The following BOLL variants were observed in gnomAD, a reference collection of about 807,000 sequenced individuals.
BOLL encodes protein boule-like.
Under a neutral mutation model 44.4 loss-of-function variants are expected in BOLL, and 23 were observed. The observed-to-expected ratio is 0.52, with a 90% CI of 0.37 to 0.73. The LOEUF is 0.73. BOLL is among the 30% of genes least tolerant of loss of function. The pLI is 0.00. For missense variants in BOLL, 287 were observed against 338.3 expected (o/e 0.85, Z 1.19); for synonymous variants, 97 against 110.8 (o/e 0.88, Z 0.78).
chr2:197,740,703 A>G (rs1372781111), intron 10 of BOLL, among the ~76,000 whole-genome samples: 1 of 152,180 alleles, frequency 6.6e-6, no homozygotes, highest in Admixed American at 6.6e-5. Context: ...GATAGAAAGT[A>G]AATTAGAGGT....
intron 9 of BOLL, among the ~76,000 whole-genome samples, chr2:197,753,421 C>T (rs1480135248): frequency 6.6e-6 from 1 of 151,898 alleles, no homozygotes; most frequent in Non-Finnish European, 1.5e-5. Context: ...AGAATCTAAA[C>T]AGAACTTAAA....
intron 5 of BOLL, 97 bp from the exon 6 acceptor site, chr2:197,772,079 C>T (rs1689293523): frequency 4.0e-6 from 4 of 991,680 alleles, no homozygotes; most frequent in Non-Finnish European, 5.5e-6. Flanking sequence ...TCTTAATATA[C>T]CTATGTAGCT....
At chr2:197,761,612 C>A (rs1688762483) in intron 7 of BOLL, among the ~76,000 whole-genome samples, 4 of 152,010 alleles carry the variant, frequency 2.6e-5, no homozygotes, top group Admixed American at 2.6e-4. Context: ...TCAATAATAA[C>A]CCTGAATGCA....
At chr2:197,754,325 A>T (rs1311274836) in intron 9 of BOLL, among the ~76,000 whole-genome samples, 1 of 152,192 alleles carries the variant, frequency 6.6e-6, no homozygotes, top group Non-Finnish European at 1.5e-5. Flanking sequence ...AGCCATATAT[A>T]GAAAATTGAA....
intron 6 of BOLL, among the ~76,000 whole-genome samples, chr2:197,767,955 C>G (rs1282000461): frequency 6.6e-6 from 1 of 151,706 alleles, no homozygotes; most frequent in African/African-American, 2.4e-5. Context: ...GAGACATGGT[C>G]AGTGCAAAAA....
intron 9 of BOLL, among the ~76,000 whole-genome samples, chr2:197,749,895 G>A (rs2106338174): frequency 6.6e-6 from 1 of 152,170 alleles, no homozygotes; most frequent in Admixed American, 6.5e-5. Flanking sequence ...CCACCAGAAA[G>A]ATACTCCTTG....
chr2:197,763,710 C>T (rs1688864607), intron 7 of BOLL, among the ~76,000 whole-genome samples: 1 of 152,058 alleles, frequency 6.6e-6, no homozygotes, highest in Non-Finnish European at 1.5e-5. Context: ...CTAAAAAGTT[C>T]CTGCACAGTG....
intron 10 of BOLL, among the ~76,000 whole-genome samples, chr2:197,742,241 T>C (rs1687775646): frequency 6.6e-6 from 1 of 152,178 alleles, no homozygotes; most frequent in Non-Finnish European, 1.5e-5. Context: ...TCAACCATTG[T>C]GGAAGTCAGT....
At chr2:197,740,515 T>A (rs1259447344) in intron 10 of BOLL, among the ~76,000 whole-genome samples, 1 of 152,130 alleles carries the variant, frequency 6.6e-6, no homozygotes, top group Non-Finnish European at 1.5e-5. Flanking sequence ...TACATGGGTA[T>A]AACTGGATTA....
At chr2:197,738,940 A>T (rs549946327) in intron 10 of BOLL, among the ~76,000 whole-genome samples, 1 of 152,276 alleles carries the variant, frequency 6.6e-6, no homozygotes, top group East Asian at 1.9e-4. Context: ...CCATGTTATA[A>T]TAGAAATGCA....
At position 197,736,645 on chromosome 2, in the gene BOLL, C is replaced by T. The variant is rs112887484; in HGVS notation, c.828+6416G>A. On this transcript the variant is annotated intron_variant, in intron 10 of 10. Transcript: ENST00000392296. ...AAAAAATAGGTTAAAAGGCCAAGGACATTTGGTGGGATGGGATGATGGGGG... is the reference window on the plus strand; with the variant it reads ...AAAAAATAGGTTAAAAGGCCAAGGATATTTGGTGGGATGGGATGATGGGGG... 8.5e-5 allele frequency among the ~76,000 whole-genome samples: 13 copies of T among 152,058 alleles called. 3 individuals are homozygous for T. The highest frequency in any genetic ancestry group is 3.1e-4 in the African/African-American group (13 of 41,488).
chr2:197,759,968 T>A (rs866100907), intron 7 of BOLL, among the ~76,000 whole-genome samples: 26 of 151,484 alleles, frequency 1.7e-4, no homozygotes, highest in African/African-American at 6.1e-4. Context: ...CCCAGGGGAG[T>A]GGAGTGGCTG....
chr2:197,750,517 C>T (rs938976377), intron 9 of BOLL, among the ~76,000 whole-genome samples: 28 of 152,134 alleles, frequency 1.8e-4, no homozygotes, highest in Non-Finnish European at 5.9e-5. Context: ...ATAAAACAGA[C>T]TTTAAACCAA....
intron 1 of BOLL, among the ~76,000 whole-genome samples, chr2:197,783,506 A>G (rs73990707): frequency 0.021 from 3,266 of 152,284 alleles, 111 homozygotes; most frequent in African/African-American, 0.076. Context: ...CAATTGGGCT[A>G]TAGGCTGGAC....
At chr2:197,737,213 T>A (rs766316679) in intron 10 of BOLL, among the ~76,000 whole-genome samples, 1 of 152,156 alleles carries the variant, frequency 6.6e-6, no homozygotes, top group African/African-American at 2.4e-5. Flanking sequence ...ATATTTATAC[T>A]ATTCATCCTT....
chr2:197,746,899 G>GGAA (rs1559398207), intron 9 of BOLL, among the ~76,000 whole-genome samples: 1 of 94,106 alleles, frequency 1.1e-5, no homozygotes, highest in Non-Finnish European at 2.1e-5. Context: ...ACTCTGTCTC[G>GGAA]AAAAAAAAAA....
chr2:197,739,498 G>GT (rs987007030), intron 10 of BOLL, among the ~76,000 whole-genome samples: 1 of 151,974 alleles, frequency 6.6e-6, no homozygotes, highest in African/African-American at 2.4e-5. Flanking sequence ...TGCCCAGATA[G>GT]TTTTTAAAAT....
intron 10 of BOLL, 41 bp downstream of exon 10, chr2:197,743,020 T>A: frequency 1.4e-6 from 2 of 1,448,872 alleles, no homozygotes; most frequent in Non-Finnish European, 1.9e-6. Flanking sequence ...TGAAATATGA[T>A]GGAAGAAAAA....
At chr2:197,742,466 T>A (rs1045786540) in intron 10 of BOLL, among the ~76,000 whole-genome samples, 4 of 152,096 alleles carry the variant, frequency 2.6e-5, no homozygotes, top group African/African-American at 7.2e-5. Context: ...GATATACACC[T>A]CGGAATACTA....
Sources: allele counts gnomAD v4.1 joint callset (sites outside exome capture counted in the v4.1 genomes callset), GRCh38; gene constraint gnomAD v4.1.1; transcripts MANE v1.5; gene names NCBI Gene and HGNC (gene_info 2026-07-23, HGNC 2026-07-21).